The following ZRSR2 variants were observed in gnomAD, a reference collection of about 807,000 sequenced individuals.
ZRSR2 encodes zinc finger CCCH-type, RNA binding motif and serine/arginine rich 2, also known as U2 small nuclear ribonucleoprotein auxiliary factor 35 kDa subunit-related protein 2.
In ZRSR2, 3 loss-of-function variants were observed where a neutral mutation model predicts 39.4. The observed-to-expected ratio is 0.08, with a 90% CI of 0.03 to 0.20. The LOEUF (loss-of-function observed/expected upper bound fraction) is 0.20, where lower values mean the gene tolerates loss of function less well. Ranked by LOEUF, ZRSR2 falls within the 10% of genes least tolerant of loss-of-function variation. The pLI is 1.00. For synonymous variants in ZRSR2, 137 were observed against 136.0 expected (o/e 1.01, Z -0.05); for missense variants, 256 against 391.5 (o/e 0.65, Z 2.92).
At chrX:15,799,785 T>C (rs1320500664) in intron 2 of ZRSR2, 87 bp from the exon 3 acceptor site, 1 of 556,768 alleles carries the variant, frequency 1.8e-6, no homozygotes, top group Non-Finnish European at 2.8e-6. Flanking sequence ...CATAATTTTA[T>C]ACATTAAAGA....
intron 5 of ZRSR2, among the ~76,000 whole-genome samples, chrX:15,804,908 T>C (rs1354629415): frequency 9.0e-6 from 1 of 110,954 alleles, no homozygotes; most frequent in Non-Finnish European, 1.9e-5. Context: ...GAGGCATATG[T>C]GTGTATGTAT....
At chrX:15,807,007 A>G (rs755039963) in intron 5 of ZRSR2, among the ~76,000 whole-genome samples, 1 of 111,761 alleles carries the variant, frequency 8.9e-6, no homozygotes, top group Non-Finnish European at 1.9e-5. Context: ...TGTAGAGGAC[A>G]AGAGTTCTGT....
At chrX:15,816,111 G>A (rs183972209) in intron 8 of ZRSR2, among the ~76,000 whole-genome samples, 40 of 112,262 alleles carry the variant, frequency 3.6e-4, no homozygotes, top group Admixed American at 3.3e-3. Context: ...CTGAATGCTA[G>A]GGGTCTAGAT....
At chrX:15,801,361 C>G (rs941998196) in intron 3 of ZRSR2, 2 of 286,423 alleles carry the variant, frequency 7.0e-6, no homozygotes, top group African/African-American at 5.6e-5. Flanking sequence ...CCCGAGTAGC[C>G]GGGATTACAG....
intron 2 of ZRSR2, among the ~76,000 whole-genome samples, chrX:15,792,989 G>A (rs918669931): frequency 8.9e-6 from 1 of 111,947 alleles, no homozygotes; most frequent in African/African-American, 3.3e-5. Flanking sequence ...TATTTAGAAT[G>A]GAAGGAGCAG....
intron 2 of ZRSR2, among the ~76,000 whole-genome samples, chrX:15,796,312 CA>C (rs1270094823): frequency 8.9e-6 from 1 of 112,200 alleles, no homozygotes; most frequent in Non-Finnish European, 1.9e-5. Flanking sequence ...AAAAATACGC[CA>C]GAGATCACTT....
At chrX:15,796,747 G>T in intron 2 of ZRSR2, among the ~76,000 whole-genome samples, 1 of 99,673 alleles carries the variant, frequency 1.0e-5, no homozygotes, top group South Asian at 5.0e-4. Context: ...CTCTGTCTTA[G>T]AATGGAATGA....
At chrX:15,818,012 A>C (rs1933013262) in intron 8 of ZRSR2, among the ~76,000 whole-genome samples, 1 of 112,704 alleles carries the variant, frequency 8.9e-6, no homozygotes, top group African/African-American at 3.2e-5. Flanking sequence ...GTGTATACCC[A>C]TTATAAATAA....
chrX:15,805,945 A>G (rs1386311529), intron 5 of ZRSR2, among the ~76,000 whole-genome samples: 27 of 109,528 alleles, frequency 2.5e-4, no homozygotes, highest in Middle Eastern at 4.7e-3. Context: ...AAAAAAAAAA[A>G]AAAGAAAGAA....
chrX:15,794,500 C>G (rs749301983), intron 2 of ZRSR2, among the ~76,000 whole-genome samples: 2 of 111,555 alleles, frequency 1.8e-5, no homozygotes, highest in East Asian at 2.8e-4. Context: ...ATAAAGTAAG[C>G]TAGAGAAAAG....
At chrX:15,821,444 A>T (rs964876320) in intron 10 of ZRSR2, among the ~76,000 whole-genome samples, 1 of 109,823 alleles carries the variant, frequency 9.1e-6, no homozygotes, top group Admixed American at 9.8e-5. Flanking sequence ...TCCTTTGCCT[A>T]TTTTCTAACT....
At chrX:15,791,653 C>CTTTTTTT (rs144343422) in intron 2 of ZRSR2, among the ~76,000 whole-genome samples, 6 of 60,870 alleles carry the variant, frequency 9.9e-5, no homozygotes, top group Non-Finnish European at 1.4e-4. Flanking sequence ...CTTTTCTTTT[C>CTTTTTTT]TTTTTTTTTT....
rs1476833485 is a variant in ZRSR2 at position 15,799,883 on chromosome X, A to G, written c.133A>G (p.Lys45Glu). The change falls in exon 3 of 11, where the codon AAG (lysine) becomes GAG (glutamate). Residue 45 changes from lysine (K) to glutamate (E), a missense_variant. Around this residue, in one of 3 missense-constraint regions of ZRSR2, gnomAD observed 87 missense variants for 111.7 expected, o/e 0.78. Transcript: ENST00000307771. ...TTTAAATTCCCTAGGACTCTCACAGAAGGAGGAAGAGGAGGACACTTTTAT... is the reference window on the plus strand; with the variant it reads ...TTTAAATTCCCTAGGACTCTCACAGGAGGAGGAAGAGGAGGACACTTTTAT... Reference protein sequence around the residue: ...ARLRDSGLSQKEEEEDTFIEE... With the variant: ...ARLRDSGLSQEEEEEDTFIEE... The G allele has an allele frequency of 1.7e-6, 2 of 1,197,118 alleles. No individual in the cohort carries two copies. The highest frequency in any genetic ancestry group is 4.4e-5 in the Admixed American group (2 of 45,638).
chrX:15,803,325 A>G (rs1414465112), intron 3 of ZRSR2, among the ~76,000 whole-genome samples: 3 of 111,602 alleles, frequency 2.7e-5, no homozygotes, highest in Admixed American at 9.6e-5. Flanking sequence ...TCTGAATATG[A>G]AAAGGTAGAT....
intron 5 of ZRSR2, among the ~76,000 whole-genome samples, chrX:15,805,358 T>G (rs1001203863): frequency 1.8e-5 from 2 of 112,071 alleles, no homozygotes; most frequent in African/African-American, 6.5e-5. Context: ...CTGAGGTCTT[T>G]CAGGAATTCA....
intron 8 of ZRSR2, among the ~76,000 whole-genome samples, chrX:15,817,476 A>G (rs764944169): frequency 1.8e-5 from 2 of 112,410 alleles, no homozygotes; most frequent in African/African-American, 6.5e-5. Context: ...ACTATTATAT[A>G]AAAACAAATC....
chrX:15,814,450 G>A (rs1394427385), intron 7 of ZRSR2, among the ~76,000 whole-genome samples: 4 of 111,330 alleles, frequency 3.6e-5, no homozygotes, highest in African/African-American at 6.6e-5. Flanking sequence ...GCAACATAGC[G>A]AGACCCCGTC....
intron 3 of ZRSR2, chrX:15,801,905 A>G (rs767013360): frequency 1.5e-3 from 169 of 112,697 alleles, no homozygotes; most frequent in African/African-American, 5.3e-3. Context: ...GTCCTATTTC[A>G]AAGCAGATGT....
chrX:15,799,589 G>T (rs1393333598), intron 2 of ZRSR2, among the ~76,000 whole-genome samples: 1 of 108,754 alleles, frequency 9.2e-6, no homozygotes, highest in Admixed American at 9.9e-5. Flanking sequence ...CGAGTAGCTG[G>T]GATTACAGGT....
Sources: gnomAD v4.1 joint callset for allele counts (sites outside exome capture counted in the v4.1 genomes callset) on GRCh38, gnomAD v4.1.1 for gene constraint, gnomAD v4.1.1 regional missense constraint, MANE v1.5 for transcripts, NCBI Gene and HGNC (gene_info 2026-07-23, HGNC 2026-07-21) for gene names.